Variants in GUCA1C observed in about 807,000 individuals in gnomAD.
GUCA1C encodes guanylyl cyclase-activating protein 3.
In GUCA1C, 15 loss-of-function variants were observed where a neutral mutation model predicts 16.2. That is an observed-to-expected ratio of 0.93 (90% CI 0.62 to 1.43). GUCA1C has a LOEUF of 1.43. GUCA1C is among the 40% of genes most tolerant of loss of function. The probability of loss-of-function intolerance (pLI) is 0.00; values close to 1 mark genes in which losing one functional copy is unlikely to be tolerated. For missense variants in GUCA1C, 275 were observed against 244.8 expected, an observed-to-expected ratio of 1.12 and a Z score of -0.82; for synonymous variants, 78 against 85.4, an observed-to-expected ratio of 0.91 and a Z score of 0.48.
At chr3:108,923,339 C>A (rs1308968343) in intron 1 of GUCA1C, among the ~76,000 whole-genome samples, 1 of 151,312 alleles carries the variant, frequency 6.6e-6, no homozygotes, top group Admixed American at 6.6e-5. Context: ...TGATTTGAGA[C>A]AAGGATCTAG....
chr3:108,942,017 T>G (rs147092417), intron 1 of GUCA1C, among the ~76,000 whole-genome samples: 214 of 152,270 alleles, frequency 1.4e-3, no homozygotes, highest in Middle Eastern at 0.01. Flanking sequence ...GTTTTTTCCA[T>G]TACAATTCTC....
intron 1 of GUCA1C, among the ~76,000 whole-genome samples, chr3:108,939,018 T>C (rs900807141): frequency 6.6e-6 from 1 of 152,178 alleles, no homozygotes; most frequent in Non-Finnish European, 1.5e-5. Context: ...AATACTATAG[T>C]TAATTACTGC....
intron 1 of GUCA1C, among the ~76,000 whole-genome samples, chr3:108,934,721 A>G (rs1379565092): frequency 6.6e-6 from 1 of 151,590 alleles, no homozygotes; most frequent in African/African-American, 2.4e-5. Context: ...TTGCAGCAAC[A>G]TGGATGAAGC....
intron 1 of GUCA1C, among the ~76,000 whole-genome samples, chr3:108,923,699 T>C (rs1477225194): frequency 6.6e-6 from 1 of 152,226 alleles, no homozygotes; most frequent in African/African-American, 2.4e-5. Flanking sequence ...AAAATGGTGG[T>C]ATTTTGATGG....
At chr3:108,928,079 G>A (rs919177287) in intron 1 of GUCA1C, among the ~76,000 whole-genome samples, 1 of 152,254 alleles carries the variant, frequency 6.6e-6, no homozygotes, top group Non-Finnish European at 1.5e-5. Flanking sequence ...AGGCTTTGCA[G>A]TCGTGGATAC....
At position 108,920,359 on chromosome 3, in the gene GUCA1C, T is replaced by G. The variant is rs1576546444; in HGVS notation, c.354+77A>C. 12 of 1,042,374 alleles carry G rather than the reference T, an allele frequency of 1.2e-5. No individual in the cohort carries two copies. The East Asian group carries it at 2.9e-4, about 25-fold the overall frequency. 64.6% of individuals were successfully genotyped at this position (1,042,374 alleles called of 1,614,324 possible). On this transcript the variant is annotated intron_variant, in intron 2 of 3. Coordinates refer to ENST00000261047, the MANE Select transcript of GUCA1C (RefSeq NM_005459.4). ...CAAAATAGCCAACCCCATAGACAGC[T>G]GTTACCTACTCCATAGGAAGGGAAA...
At position 108,915,928 on chromosome 3, in the gene GUCA1C, A is replaced by G. The variant is rs184552298; in HGVS notation, c.442+199T>C. ...TATATATCCCAACATGTCAAGCACC[A>G]CACATTGGAAATGAATATGATCAAT... On this transcript the variant is annotated intron_variant, in intron 3 of 3. Coordinates refer to ENST00000261047, the MANE Select transcript of GUCA1C (RefSeq NM_005459.4). 109 of 599,402 alleles carry G rather than the reference A, an allele frequency of 1.8e-4. 1 individual carries two copies. The African/African-American group carries it at 1.9e-3, about 11-fold the overall frequency. The allele number at this position is 599,402 out of a possible 1,614,324, so 37.1% of individuals were successfully genotyped here.
intron 3 of GUCA1C, among the ~76,000 whole-genome samples, chr3:108,914,064 T>C (rs1312318687): frequency 6.6e-6 from 1 of 152,094 alleles, no homozygotes; most frequent in Non-Finnish European, 1.5e-5. Flanking sequence ...AGACTCCATT[T>C]TAAATAATAA....
chr3:108,948,212 G>A (rs1183735257), intron 1 of GUCA1C, among the ~76,000 whole-genome samples: 1 of 152,168 alleles, frequency 6.6e-6, no homozygotes, highest in African/African-American at 2.4e-5. Context: ...GGGACCTGGT[G>A]GGAGGTGATT....
intron 1 of GUCA1C, among the ~76,000 whole-genome samples, chr3:108,944,769 C>T (rs982160533): frequency 6.6e-6 from 1 of 152,168 alleles, no homozygotes; most frequent in Non-Finnish European, 1.5e-5. Context: ...AATATGTTTG[C>T]TATCTCCTGT....
Position 108,953,817 on chromosome 3 carries a change from G to A in GUCA1C, c.-55C>T, listed in dbSNP as rs1946924569. 3 of 1,278,110 alleles carry A rather than the reference G, an allele frequency of 2.3e-6. No individual in the cohort carries two copies. The highest frequency in any genetic ancestry group is 1.5e-5 in the African/African-American group (1 of 68,444). The allele number at this position is 1,278,110 out of a possible 1,614,324, so 79.2% of individuals were successfully genotyped here. On this transcript the variant is annotated 5_prime_UTR_variant, in exon 1 of 4. Coordinates refer to ENST00000261047, the MANE Select transcript of GUCA1C (RefSeq NM_005459.4). ...GGTTGTTTTCACTTAAGTTTTTGCT[G>A]GATTTAGTCCCTTACTCCTCACTAA...
At chr3:108,924,279 T>C (rs1576548159) in intron 1 of GUCA1C, among the ~76,000 whole-genome samples, 1 of 152,306 alleles carries the variant, frequency 6.6e-6, no homozygotes, top group African/African-American at 2.4e-5. Flanking sequence ...GGCTGTGGGT[T>C]TGTCACAGAT....
chr3:108,910,647 T>C (rs960035361), intron 3 of GUCA1C, among the ~76,000 whole-genome samples: 5 of 151,992 alleles, frequency 3.3e-5, no homozygotes, highest in African/African-American at 7.3e-5. Flanking sequence ...TCAATTTTTT[T>C]TTCTTCTTCT....
intron 1 of GUCA1C, among the ~76,000 whole-genome samples, chr3:108,932,847 G>T (rs1485094957): frequency 6.7e-6 from 1 of 149,930 alleles, no homozygotes; most frequent in Non-Finnish European, 1.5e-5. Context: ...GCTTGAACCT[G>T]GGAGGCAGAG....
intron 1 of GUCA1C, among the ~76,000 whole-genome samples, chr3:108,948,847 A>AC (rs1553736924): frequency 7.0e-6 from 1 of 143,662 alleles, no homozygotes; most frequent in African/African-American, 2.6e-5. Context: ...AGATCTGGGA[A>AC]TTTTTTTTTT....
chr3:108,915,822 T>A (rs1396817194), intron 3 of GUCA1C: 9 of 394,562 alleles, frequency 2.3e-5, no homozygotes, highest in Admixed American at 4.2e-5. Context: ...ATTAATAGAA[T>A]GTGTCTCAGA....
chr3:108,954,809 T>C (rs567521040), upstream of GUCA1C, among the ~76,000 whole-genome samples: 696 of 148,940 alleles, frequency 4.7e-3, 8 homozygotes, highest in African/African-American at 0.017. Flanking sequence ...TGATCTCAGC[T>C]CACTGCAAGC....
rs1373547286 is a variant in GUCA1C, at chr3:108,907,823, A to G, written c.*199T>C. ...GTAATCATTATGTTTTAATCTGCAG[A>G]GACAGCACAGAAAAGCAACAATGCA... On this transcript the variant is annotated 3_prime_UTR_variant, in exon 4 of 4. Coordinates refer to ENST00000261047, the MANE Select transcript of GUCA1C (RefSeq NM_005459.4). The G allele has an allele frequency of 9.4e-6, 5 of 534,726 alleles. No individual in the cohort carries two copies. In the Admixed American group the frequency reaches 1.4e-4, roughly 15 times the overall value. 33.1% of individuals were successfully genotyped at this position (534,726 alleles called of 1,614,324 possible).
intron 1 of GUCA1C, among the ~76,000 whole-genome samples, chr3:108,950,076 A>G (rs1946883542): frequency 1.3e-5 from 2 of 152,228 alleles, no homozygotes; most frequent in South Asian, 4.1e-4. Context: ...GGCAAGAGCC[A>G]TTCTACTCTC....
Sources: allele counts gnomAD v4.1 joint callset (sites outside exome capture counted in the v4.1 genomes callset), GRCh38; gene constraint gnomAD v4.1.1; transcripts MANE v1.5; gene names NCBI Gene and HGNC (gene_info 2026-07-23, HGNC 2026-07-21).